The following ADK variants were observed in gnomAD, a reference collection of about 807,000 sequenced individuals.
ADK encodes adenosine kinase, also known as N6,N6-dimethyladenosine kinase.
Under a neutral mutation model 44.7 loss-of-function variants are expected in ADK, and 24 were observed. The observed-to-expected ratio is 0.54, with a 90% CI of 0.39 to 0.76. The LOEUF is 0.76. Ranked by LOEUF, ADK falls within the 30% of genes least tolerant of loss-of-function variation. The pLI is 0.00. For synonymous variants in ADK, 128 were observed against 142.6 expected, an observed-to-expected ratio of 0.90 and a Z score of 0.73; for missense variants, 321 against 425.1, an observed-to-expected ratio of 0.76 and a Z score of 2.15.
At chr10:74,213,549 A>G (rs1168854827) in intron 2 of ADK, among the ~76,000 whole-genome samples, 1 of 152,202 alleles carries the variant, frequency 6.6e-6, no homozygotes, top group Non-Finnish European at 1.5e-5. Context: ...AGTAAAAAGT[A>G]AAAGGAGTGG....
chr10:74,661,643 A>G (rs1436752607), intron 9 of ADK, among the ~76,000 whole-genome samples: 1 of 152,192 alleles, frequency 6.6e-6, no homozygotes, highest in African/African-American at 2.4e-5. Context: ...TTGATATATA[A>G]ACTTTCTTCT....
Position 74,708,298 on chromosome 10 carries a change from GTTT to G in ADK, c.965-16_965-14del. 3 of 1,584,558 alleles carry G rather than the reference GTTT, an allele frequency of 1.9e-6. No homozygotes were observed. On this transcript the variant is annotated intron_variant, in intron 10 of 10. Coordinates refer to ENST00000539909, the MANE Select transcript of ADK (RefSeq NM_006721.4). ...TGCTGCTGTTATACAATACTCATGT[GTTT>G]TTTTTTGCCTGTGTTCTAGGTTTTC...
chr10:74,287,703 A>G lies in ADK; in HGVS notation c.195-26964A>G, dbSNP rs1043126920. On this transcript the variant is annotated intron_variant, in intron 3 of 10. Coordinates refer to ENST00000539909, the MANE Select transcript of ADK (RefSeq NM_006721.4). ...TGTTATAAAATATATTCTGTATAAA[A>G]CTCGAATACCAGATTGTTGTTTGCA... Among the ~76,000 whole-genome samples the G allele has an allele frequency of 2.0e-5, 3 of 152,094 alleles. No individual in the cohort carries two copies. The East Asian group carries it at 5.8e-4, about 29-fold the overall frequency.
At chr10:74,368,728 C>G (rs2131966191) in intron 4 of ADK, among the ~76,000 whole-genome samples, 1 of 151,896 alleles carries the variant, frequency 6.6e-6, no homozygotes, top group Non-Finnish European at 1.5e-5. Flanking sequence ...CTCCTGTGTT[C>G]AAGTGATTCT....
intron 4 of ADK, among the ~76,000 whole-genome samples, chr10:74,391,879 C>T (rs993037447): frequency 1.3e-5 from 2 of 152,118 alleles, no homozygotes; most frequent in African/African-American, 2.4e-5. Flanking sequence ...ACGTCCTTGG[C>T]AACCAACATT....
chr10:74,638,756 T>G (rs1013103198), intron 9 of ADK, among the ~76,000 whole-genome samples: 9 of 152,232 alleles, frequency 5.9e-5, no homozygotes, highest in Non-Finnish European at 1.2e-4. Flanking sequence ...AGTGTCATCC[T>G]GGTTGTGGTT....
chr10:74,280,415 A>ACACAC (rs1846887028), intron 3 of ADK, among the ~76,000 whole-genome samples: 1 of 144,342 alleles, frequency 6.9e-6, no homozygotes, highest in Non-Finnish European at 1.5e-5. Flanking sequence ...AACAAGTTTA[A>ACACAC]ACACACACAC....
intron 7 of ADK, chr10:74,528,153 G>A: frequency 9.8e-7 from 1 of 1,023,638 alleles, no homozygotes; most frequent in South Asian, 1.6e-5. Flanking sequence ...GTATAGATCA[G>A]AAGTTTCACT....
intron 6 of ADK, among the ~76,000 whole-genome samples, chr10:74,431,889 G>A (rs983419185): frequency 7.2e-5 from 11 of 152,062 alleles, no homozygotes; most frequent in Middle Eastern, 3.2e-3. Flanking sequence ...GGCTTTCTGA[G>A]CTCTTCTTTA....
In ADK at chr10:74,385,163, G is replaced by A. The variant is rs566546160; in HGVS notation, c.274-8978G>A. Among the ~76,000 whole-genome samples the A allele has an allele frequency of 3.9e-5, 6 of 152,284 alleles. No homozygotes were observed. The East Asian group carries it at 1.2e-3, about 29-fold the overall frequency. The stretch of plus-strand genomic sequence containing the variant: ...ATTGTATATTTTAAAGTGGCAAATT[G>A]TATGGTTATATGAATATATCTCAAT... On this transcript the variant is annotated intron_variant, in intron 4 of 10. Coordinates refer to ENST00000539909, the MANE Select transcript of ADK (RefSeq NM_006721.4).
intron 2 of ADK, among the ~76,000 whole-genome samples, chr10:74,211,070 A>G (rs915661785): frequency 1.3e-5 from 2 of 152,174 alleles, no homozygotes; most frequent in Non-Finnish European, 2.9e-5. Context: ...TTTTTAATAC[A>G]GACGGGGTTT....
chr10:74,194,274 A>G (rs1843047265), intron 1 of ADK, among the ~76,000 whole-genome samples: 1 of 152,242 alleles, frequency 6.6e-6, no homozygotes, highest in Non-Finnish European at 1.5e-5. Flanking sequence ...CATTATGATT[A>G]AAATAGTTTG....
At chr10:74,422,907 C>G (rs1281075075) in intron 6 of ADK, among the ~76,000 whole-genome samples, 8 of 152,116 alleles carry the variant, frequency 5.3e-5, no homozygotes, top group African/African-American at 1.7e-4. Flanking sequence ...GGTTTCCCAG[C>G]TGGGAGTTAG....
At chr10:74,350,357 T>C (rs1311109596) in intron 4 of ADK, among the ~76,000 whole-genome samples, 1 of 152,096 alleles carries the variant, frequency 6.6e-6, no homozygotes, top group African/African-American at 2.4e-5. Context: ...AAAGAAGTTA[T>C]TTGAAACCAA....
chr10:74,321,442 C>T (rs1425026645), intron 4 of ADK, among the ~76,000 whole-genome samples: 1 of 152,006 alleles, frequency 6.6e-6, no homozygotes, highest in Non-Finnish European at 1.5e-5. Flanking sequence ...CACCACCACA[C>T]CCACCTTATT....
At chr10:74,399,185 C>T (rs1171193075) in intron 6 of ADK, among the ~76,000 whole-genome samples, 1 of 151,268 alleles carries the variant, frequency 6.6e-6, no homozygotes, top group African/African-American at 2.4e-5. Context: ...GAATTAATCA[C>T]CCCATGATTA....
chr10:74,629,644 A>C (rs983438124), intron 9 of ADK, among the ~76,000 whole-genome samples: 1 of 152,220 alleles, frequency 6.6e-6, no homozygotes, highest in Non-Finnish European at 1.5e-5. Context: ...AGAAGACAGT[A>C]TGTAGAAATT....
chr10:74,637,534 A>G (rs949979544), intron 9 of ADK, among the ~76,000 whole-genome samples: 2 of 152,234 alleles, frequency 1.3e-5, no homozygotes, highest in Non-Finnish European at 2.9e-5. Flanking sequence ...CTGGAAGTCT[A>G]TAATTATGCA....
intron 1 of ADK, among the ~76,000 whole-genome samples, chr10:74,173,242 C>G (rs1411324860): frequency 1.3e-5 from 2 of 151,388 alleles, no homozygotes; most frequent in Admixed American, 1.3e-4. Flanking sequence ...AGGCACCCGC[C>G]ACCACGCCCG....
Sources: gnomAD v4.1 joint callset for allele counts (sites outside exome capture counted in the v4.1 genomes callset) on GRCh38, gnomAD v4.1.1 for gene constraint, MANE v1.5 for transcripts, NCBI Gene and HGNC (gene_info 2026-07-23, HGNC 2026-07-21) for gene names.